PSMG4: variants seen among roughly 807,000 people sequenced by gnomAD.
PSMG4 encodes the protein proteasome assembly chaperone 4, also known as proteasome (prosome, macropain) assembly chaperone 4.
In PSMG4, 10 loss-of-function variants were observed where a neutral mutation model predicts 11.0. The observed-to-expected ratio is 0.91, with a 90% CI of 0.56 to 1.54. The LOEUF is 1.54. PSMG4 is among the 40% of genes most tolerant of loss of function. The pLI, the probability that PSMG4 is intolerant of heterozygous loss-of-function variation, is 0.00. For synonymous variants in PSMG4, 95 were observed against 71.3 expected (o/e 1.33, Z -1.68); for missense variants, 198 against 160.9 (o/e 1.23, Z -1.25).
chr6:3,263,662 G>A (rs1304782744), intron 1 of PSMG4, 22 bp from the exon 2 acceptor site: 1 of 1,524,300 alleles, frequency 6.6e-7, no homozygotes, highest in Non-Finnish European at 8.8e-7. Context: ...AAGCTGCAGT[G>A]TGCCCTTTGC....
chr6:3,254,954 T>G (rs1327466485), upstream of PSMG4: 1 of 1,341,452 alleles, frequency 7.5e-7, no homozygotes, highest in Non-Finnish European at 1.0e-6. Flanking sequence ...AGCTGTTGGG[T>G]GTTGCAGAGC....
At chr6:3,259,408 C>A (rs1554129547) in intron 1 of PSMG4, among the ~76,000 whole-genome samples, 1 of 152,252 alleles carries the variant, frequency 6.6e-6, no homozygotes, top group Non-Finnish European at 1.5e-5. Flanking sequence ...TCTCCTTGTC[C>A]CGCCGCCCCG....
upstream of PSMG4, among the ~76,000 whole-genome samples, chr6:3,254,530 T>C (rs1581538422): frequency 6.6e-6 from 1 of 152,066 alleles, no homozygotes; most frequent in Non-Finnish European, 1.5e-5. Context: ...GCTGTAACAA[T>C]TATCTGGAAG....
At chr6:3,264,878 CTGTG>C (rs943701480) in intron 2 of PSMG4, 1 of 157,250 alleles carries the variant, frequency 6.4e-6, no homozygotes, top group Admixed American at 6.2e-5. Context: ...CTGTGTCACT[CTGTG>C]TGTGTGACTG....
chr6:3,254,559 G>C (rs892184385), upstream of PSMG4, among the ~76,000 whole-genome samples: 3 of 152,170 alleles, frequency 2.0e-5, no homozygotes, highest in East Asian at 1.9e-4. Context: ...ATTTGTTCTC[G>C]GGGTTTGTGA....
upstream of PSMG4, among the ~76,000 whole-genome samples, chr6:3,257,918 G>A (rs1328859931): frequency 6.6e-6 from 1 of 152,162 alleles, no homozygotes; most frequent in Admixed American, 6.5e-5. Flanking sequence ...CTGTATTATT[G>A]AATCATCGAT....
upstream of PSMG4, among the ~76,000 whole-genome samples, chr6:3,258,289 A>G (rs1339486239): frequency 6.6e-6 from 1 of 152,094 alleles, no homozygotes; most frequent in Non-Finnish European, 1.5e-5. Flanking sequence ...TGAGTCTCAG[A>G]GAGGTTAAGG....
intron 1 of PSMG4, among the ~76,000 whole-genome samples, chr6:3,260,126 TG>T (rs1757922895): frequency 6.6e-6 from 1 of 151,560 alleles, no homozygotes; most frequent in East Asian, 1.9e-4. Flanking sequence ...TTTGTAGAGA[TG>T]GGGGTCTCAC....
chr6:3,265,851 A>G (rs957231885), intron 2 of PSMG4: 1 of 152,050 alleles, frequency 6.6e-6, no homozygotes, highest in African/African-American at 2.4e-5. Flanking sequence ...TGTGCTAAGT[A>G]CTGTAAGCTG....
At chr6:3,254,804 A>G (rs544149944), upstream of PSMG4, among the ~76,000 whole-genome samples, 2 of 152,350 alleles carry the variant, frequency 1.3e-5, no homozygotes, top group East Asian at 1.9e-4. Context: ...GGTCAGAGCA[A>G]CAAGACACCA....
chr6:3,254,880 G>A (rs959567314), upstream of PSMG4, among the ~76,000 whole-genome samples: 1 of 151,922 alleles, frequency 6.6e-6, no homozygotes, highest in Admixed American at 6.5e-5. Context: ...GCTGGAGGGT[G>A]ACTCCGACCT....
chr6:3,265,853 T>C, intron 2 of PSMG4: 1 of 151,912 alleles, frequency 6.6e-6, no homozygotes, highest in East Asian at 1.9e-4. Flanking sequence ...TGCTAAGTAC[T>C]GTAAGCTGTT....
In PSMG4 at chr6:3,262,145, G is replaced by A. The variant is rs58063995; in HGVS notation, c.175-1539G>A. On this transcript the variant is annotated intron_variant, in intron 1 of 2. Transcript: ENST00000438998. ...GGAAGCTGGCCTGGGACCTGGGCCC[G>A]TGCCTGCTCAGGGATTCTTGGACCC... 7.7e-4 allele frequency among the ~76,000 whole-genome samples: 118 copies of A among 152,280 alleles called. 1 individual carries two copies. The East Asian group carries it at 0.019, about 24-fold the overall frequency.
rs1388409869 is a variant in PSMG4 at position 3,260,276 on chromosome 6, TG to T, written c.174+1081del. Among the ~76,000 whole-genome samples the T allele has an allele frequency of 3.4e-4, 19 of 55,612 alleles. 4 individuals are homozygous for T. Among genetic ancestry groups the T allele is most frequent in the East Asian group, 7.6e-4 (2 of 2,622 alleles). The allele number at this position is 55,612 out of a possible 152,430, so 36.5% of individuals were successfully genotyped here. ...ACTCCAGTATAACCTTGTCTTAAAT[TG>T]TATATATATATATATTTTTTTTTTT... On this transcript the variant is annotated intron_variant, in intron 1 of 2. Coordinates refer to ENST00000438998, the MANE Select transcript of PSMG4 (RefSeq NM_001128591.2).
chr6:3,256,021 A>G (rs1298549849), upstream of PSMG4, among the ~76,000 whole-genome samples: 1 of 152,238 alleles, frequency 6.6e-6, no homozygotes, highest in South Asian at 2.1e-4. Flanking sequence ...GGTTGGGTTT[A>G]TAGAAGTCAA....
chr6:3,261,498 C>T (rs1757989483), intron 1 of PSMG4, among the ~76,000 whole-genome samples: 1 of 152,192 alleles, frequency 6.6e-6, no homozygotes, highest in Non-Finnish European at 1.5e-5. Flanking sequence ...GTTTTGGTCA[C>T]CCGACCCCAT....
chr6:3,260,565 T>G (rs968673932), intron 1 of PSMG4, among the ~76,000 whole-genome samples: 4 of 152,108 alleles, frequency 2.6e-5, no homozygotes, highest in African/African-American at 9.7e-5. Flanking sequence ...GCAAGTCCCT[T>G]TGGAAGTAAA....
intron 2 of PSMG4, 40 bp downstream of exon 2, chr6:3,263,799 G>A: frequency 4.6e-6 from 7 of 1,537,890 alleles, no homozygotes; most frequent in Non-Finnish European, 5.3e-6. Flanking sequence ...CAGCCAGGTG[G>A]GGCCCACTCT....
chr6:3,257,310 T>C (rs895458605), upstream of PSMG4, among the ~76,000 whole-genome samples: 2 of 152,140 alleles, frequency 1.3e-5, no homozygotes, highest in African/African-American at 2.4e-5. Flanking sequence ...CCTCTGCCTG[T>C]GTGTTTCCCG....
Sources: gnomAD v4.1 joint callset for allele counts (sites outside exome capture counted in the v4.1 genomes callset) on GRCh38, gnomAD v4.1.1 for gene constraint, MANE v1.5 for transcripts, NCBI Gene and HGNC (gene_info 2026-07-23, HGNC 2026-07-21) for gene names.